Variants in GLIS3 observed in about 807,000 individuals in gnomAD.
GLIS3 encodes zinc finger protein GLIS3.
In GLIS3, 53 loss-of-function variants were observed where a neutral mutation model predicts 78.6. That is an observed-to-expected ratio of 0.67 (90% CI 0.54 to 0.85). The LOEUF (loss-of-function observed/expected upper bound fraction) is 0.85, where lower values mean the gene tolerates loss of function less well. Ranked by LOEUF, GLIS3 falls within the 40% of genes least tolerant of loss-of-function variation. The probability of loss-of-function intolerance (pLI) is 0.00; values close to 1 mark genes in which losing one functional copy is unlikely to be tolerated. For missense variants in GLIS3, 1,703 were observed against 1,231.1 expected, an observed-to-expected ratio of 1.38 and a Z score of -5.74; for synonymous variants, 684 against 509.9, an observed-to-expected ratio of 1.34 and a Z score of -4.60.
upstream of GLIS3, among the ~76,000 whole-genome samples, chr9:4,350,011 A>T (rs756832740): frequency 6.6e-6 from 1 of 152,264 alleles, no homozygotes; most frequent in Non-Finnish European, 1.5e-5. Flanking sequence ...ACTTAGACGG[A>T]CCAAGAGCAG....
At chr9:4,377,671 G>A in the GLIS3 span, among the ~76,000 whole-genome samples, 2 of 152,030 alleles carry the variant, frequency 1.3e-5, no homozygotes, top group Non-Finnish European at 2.9e-5. Context: ...TCTAGAATAT[G>A]GCTGGTTTTA....
At chr9:3,956,195 A>G (rs1328150425) in intron 4 of GLIS3, among the ~76,000 whole-genome samples, 1 of 152,098 alleles carries the variant, frequency 6.6e-6, no homozygotes, top group Non-Finnish European at 1.5e-5. Context: ...GAAAAAAAAA[A>G]TCACCTCCAA....
At chr9:4,390,939 A>C in the GLIS3 span, among the ~76,000 whole-genome samples, 84 of 152,294 alleles carry the variant, frequency 5.5e-4, no homozygotes, top group African/African-American at 2.0e-3. Flanking sequence ...CTCAGAAGGG[A>C]AACAAGTTCT....
intron 2 of GLIS3, among the ~76,000 whole-genome samples, chr9:4,343,156 T>C (rs1441350990): frequency 3.5e-5 from 5 of 144,148 alleles, no homozygotes; most frequent in African/African-American, 7.7e-5. Context: ...CTGGGCAACA[T>C]AGCAAGACCT....
At chr9:4,125,973 G>A (rs762639554) in intron 2 of GLIS3, 32 bp from the exon 3 acceptor site, 6 of 1,518,378 alleles carry the variant, frequency 4.0e-6, no homozygotes, top group Non-Finnish European at 5.5e-6. Flanking sequence ...TAGCTTTCAT[G>A]TCCCTTACAT....
intron 2 of GLIS3, among the ~76,000 whole-genome samples, chr9:4,149,337 C>T (rs955724058): frequency 4.6e-5 from 7 of 152,254 alleles, no homozygotes; most frequent in South Asian, 4.2e-4. Flanking sequence ...TATTAACCTG[C>T]TAAGAGTGAG....
intron 4 of GLIS3, among the ~76,000 whole-genome samples, chr9:4,011,643 T>C (rs1278815395): frequency 6.6e-6 from 1 of 152,184 alleles, no homozygotes; most frequent in Non-Finnish European, 1.5e-5. Context: ...CCGTCTCTAG[T>C]CCAGCTAACC....
intron 2 of GLIS3, among the ~76,000 whole-genome samples, chr9:4,275,558 G>C (rs947607592): frequency 6.6e-6 from 1 of 150,936 alleles, no homozygotes; most frequent in Non-Finnish European, 1.5e-5. Flanking sequence ...CTAGGAGTTT[G>C]AGACCATCCT....
the GLIS3 span, among the ~76,000 whole-genome samples, chr9:4,454,890 TTG>T: frequency 6.6e-6 from 1 of 152,196 alleles, no homozygotes; most frequent in African/African-American, 2.4e-5. Context: ...TAATCTAGAA[TTG>T]TACACACACT....
In GLIS3 at chr9:3,945,144, C is replaced by T. The variant is rs373985852; in HGVS notation, c.1711-7955G>A. Reference sequence around the variant, plus strand: ...GGGGACCAAACTTTCAACATATAAACTCCAAGCATCATACTCGAACCATAG... The same window carrying T: ...GGGGACCAAACTTTCAACATATAAATTCCAAGCATCATACTCGAACCATAG... On this transcript the variant is annotated intron_variant, in intron 4 of 10. Coordinates refer to ENST00000381971, the MANE Select transcript of GLIS3 (RefSeq NM_001042413.2). 4.6e-5 allele frequency among the ~76,000 whole-genome samples: 7 copies of T among 152,330 alleles called. No individual in the cohort carries two copies. In the South Asian group the frequency reaches 1.0e-3, roughly 23 times the overall value.
intron 8 of GLIS3, among the ~76,000 whole-genome samples, chr9:3,864,033 G>C (rs1265356999): frequency 2.0e-5 from 3 of 152,100 alleles, no homozygotes; most frequent in Non-Finnish European, 2.9e-5. Context: ...ATCTGACATG[G>C]GGAGAGAGGG....
At chr9:4,195,530 C>A (rs7039241) in intron 2 of GLIS3, among the ~76,000 whole-genome samples, 21,767 of 152,274 alleles carry the variant, frequency 0.14, 2,093 homozygotes, top group African/African-American at 0.27. Flanking sequence ...TCAGCCACCT[C>A]CCCATGGGGC....
intron 2 of GLIS3, among the ~76,000 whole-genome samples, chr9:4,279,370 A>G (rs1328638485): frequency 7.0e-6 from 1 of 143,018 alleles, no homozygotes; most frequent in African/African-American, 2.5e-5. Flanking sequence ...CACATAATAC[A>G]TATTATATAT....
the GLIS3 span, among the ~76,000 whole-genome samples, chr9:4,456,861 G>C: frequency 6.6e-6 from 1 of 152,126 alleles, no homozygotes. Flanking sequence ...TATGGGCATG[G>C]TTCATGGTAT....
the GLIS3 span, among the ~76,000 whole-genome samples, chr9:4,369,457 G>C: frequency 6.6e-6 from 1 of 152,206 alleles, no homozygotes; most frequent in Non-Finnish European, 1.5e-5. Context: ...GTAGGTTTCT[G>C]TTATATAGTT....
At chr9:4,077,454 C>T (rs1358469577) in intron 4 of GLIS3, among the ~76,000 whole-genome samples, 1 of 152,138 alleles carries the variant, frequency 6.6e-6, no homozygotes, top group African/African-American at 2.4e-5. Context: ...GAAAATAAAA[C>T]TTAGAAAGGA....
intron 6 of GLIS3, among the ~76,000 whole-genome samples, chr9:3,903,887 A>G (rs1823487115): frequency 6.6e-6 from 1 of 152,168 alleles, no homozygotes; most frequent in Non-Finnish European, 1.5e-5. Context: ...GAAGAGCAAG[A>G]GAGTTCCAGA....
At chr9:4,173,581 CACACACACACACACACACACAT>C (rs1303693750) in intron 2 of GLIS3, among the ~76,000 whole-genome samples, 4 of 90,442 alleles carry the variant, frequency 4.4e-5, no homozygotes, top group Non-Finnish European at 8.4e-5. Context: ...CACACACACA[CACACACACACACACACACACAT>C]ATATATGTTT....
intron 2 of GLIS3, among the ~76,000 whole-genome samples, chr9:4,335,612 C>T (rs1473745974): frequency 1.3e-5 from 2 of 152,262 alleles, no homozygotes; most frequent in East Asian, 3.9e-4. Flanking sequence ...TTACACCTGG[C>T]ATCTCACCTG....
Sources: gnomAD v4.1 joint callset for allele counts (sites outside exome capture counted in the v4.1 genomes callset) on GRCh38, gnomAD v4.1.1 for gene constraint, MANE v1.5 for transcripts, NCBI Gene and HGNC (gene_info 2026-07-23, HGNC 2026-07-21) for gene names.